The following PLXNA4 variants were observed in gnomAD, a reference collection of about 807,000 sequenced individuals.
PLXNA4 encodes the protein plexin A4.
A neutral mutation model predicts 191.8 loss-of-function variants in PLXNA4; 44 were observed. The ratio of observed to expected loss-of-function variants is 0.23; its 90% CI spans 0.18 to 0.29. The LOEUF is 0.29. Among genes scored for constraint, PLXNA4 ranks in the 10% least tolerant of loss-of-function variants. PLXNA4 has a pLI of 1.00. For missense variants in PLXNA4, 1,800 were observed against 2,488.8 expected, an observed-to-expected ratio of 0.72 and a Z score of 5.89; for synonymous variants, 1,082 against 1,009.5, an observed-to-expected ratio of 1.07 and a Z score of -1.36.
At chr7:132,609,453 T>C (rs1803004793) in intron 2 of PLXNA4, among the ~76,000 whole-genome samples, 1 of 152,168 alleles carries the variant, frequency 6.6e-6, no homozygotes, top group Non-Finnish European at 1.5e-5. Flanking sequence ...CCTGGAGTGA[T>C]GGGGAATTTG....
chr7:132,279,302 G>T lies in PLXNA4; in HGVS notation c.1503+18789C>A, dbSNP rs370438738. Among the ~76,000 whole-genome samples, 181 of 152,232 alleles carry T rather than the reference G, an allele frequency of 1.2e-3. 8 individuals are homozygous for T. In the South Asian group the frequency reaches 0.035, roughly 30 times the overall value. ...ACAAATACATTCATTTTCCATGTGTGCCTTAACATAGTGACAGGTTGGAAA... is the reference window on the plus strand; with the variant it reads ...ACAAATACATTCATTTTCCATGTGTTCCTTAACATAGTGACAGGTTGGAAA... On this transcript the variant is annotated intron_variant, in intron 4 of 31. Transcript: ENST00000321063.
rs1236784135 is a variant in PLXNA4, at chr7:132,502,084, G to C, written c.1188+5422C>G. Among the ~76,000 whole-genome samples, 5 of 152,344 alleles carry C rather than the reference G, an allele frequency of 3.3e-5. No individual in the cohort carries two copies. In the East Asian group the frequency reaches 9.7e-4, roughly 29 times the overall value. Reference sequence around the variant, plus strand: ...TGACAGGGAAAAGAAAACACCCCAAGAAGACCTGCAGAAGCCAGGCCCCAG... The same window carrying C: ...TGACAGGGAAAAGAAAACACCCCAACAAGACCTGCAGAAGCCAGGCCCCAG... On this transcript the variant is annotated intron_variant, in intron 2 of 31. Coordinates refer to ENST00000321063, the MANE Select transcript of PLXNA4 (RefSeq NM_020911.2).
chr7:132,228,403 C>T lies in PLXNA4; in HGVS notation c.1671G>A (p.Gln557=), dbSNP rs1584872957. The stretch of plus-strand genomic sequence containing the variant: ...TGGGATGGACCGTCAGCCGGACACA[C>T]TGCTTCATCTCCGAGGCAAACCTGC... ...EPRRFASEMK[Q]CVRLTVHPNN... The change falls in exon 6 of 32, where the codon CAG becomes CAA. Residue 557 remains glutamine (Q), a synonymous_variant. Transcript: ENST00000321063. 1.9e-6 allele frequency: 3 copies of T among 1,614,192 alleles called. No homozygotes were observed. The highest frequency in any genetic ancestry group is 1.1e-5 in the South Asian group (1 of 91,084).
intron 18 of PLXNA4, 102 bp from the exon 19 acceptor site, chr7:132,180,834 G>C (rs1796680056): frequency 6.6e-7 from 1 of 1,512,128 alleles, no homozygotes; most frequent in African/African-American, 1.4e-5. Context: ...CCGCTGGTGA[G>C]CTGGTGAAGA....
chr7:132,143,343 C>T (rs1795324680), intron 29 of PLXNA4, among the ~76,000 whole-genome samples: 1 of 152,126 alleles, frequency 6.6e-6, no homozygotes, highest in Non-Finnish European at 1.5e-5. Flanking sequence ...GAGCTGGCAT[C>T]CAAGAAGATT....
chr7:132,197,874 T>G (rs1797301288), intron 13 of PLXNA4, among the ~76,000 whole-genome samples: 1 of 152,232 alleles, frequency 6.6e-6, no homozygotes. Context: ...ATATAGATTC[T>G]ATGATGCTGG....
chr7:132,185,493 G>C, intron 15 of PLXNA4, 30 bp from the exon 16 acceptor site: 1 of 1,595,482 alleles, frequency 6.3e-7, no homozygotes, highest in Non-Finnish European at 8.5e-7. Flanking sequence ...AGCACTGGGC[G>C]CCTGGTGTTG....
chr7:132,220,402 C>T (rs1035511464), intron 9 of PLXNA4, among the ~76,000 whole-genome samples: 1 of 152,166 alleles, frequency 6.6e-6, no homozygotes, highest in Non-Finnish European at 1.5e-5. Flanking sequence ...ATTAGAGCTT[C>T]CTTTTCTTAG....
At chr7:132,467,599 G>T (rs1229594304) in intron 3 of PLXNA4, among the ~76,000 whole-genome samples, 1 of 152,188 alleles carries the variant, frequency 6.6e-6, no homozygotes, top group Non-Finnish European at 1.5e-5. Context: ...CTGGTCTTCA[G>T]TTCAAAGGTG....
chr7:132,242,021 A>G (rs975997617), intron 4 of PLXNA4, among the ~76,000 whole-genome samples: 2 of 152,320 alleles, frequency 1.3e-5, no homozygotes, highest in African/African-American at 2.4e-5. Context: ...GTCTCTTTAC[A>G]TAACTTGCCA....
chr7:132,150,524 A>C (rs188689617), intron 25 of PLXNA4, among the ~76,000 whole-genome samples: 1 of 152,328 alleles, frequency 6.6e-6, no homozygotes, highest in East Asian at 1.9e-4. Flanking sequence ...GGCACAACAA[A>C]AAAAAGGAGC....
At chr7:132,271,319 C>G (rs1800060650) in intron 4 of PLXNA4, 1 of 151,232 alleles carries the variant, frequency 6.6e-6, no homozygotes, top group Non-Finnish European at 1.5e-5. Context: ...TCTTAATATA[C>G]TAAGTTATTC....
rs767272765 is a variant in PLXNA4, at chr7:132,227,558, T to G, written c.1775A>C (p.Asn592Thr). ...CTCTGACAGGTCCTCAAAGGTGCAG[T>G]TGACGCCAGCTGACAGCTCCGGGAC... ...YNVPELSAGV[N>T]CTFEDLSEMD... Residue 592 changes from asparagine to threonine, a missense_variant, in exon 7 of 32, where the codon AAC becomes ACC. Asn to Thr is a moderately conservative substitution (Grantham distance 65). This residue lies in a region of PLXNA4 where 1,397 missense variants were observed against 1,880.4 expected (regional missense o/e 0.74). Transcript: ENST00000321063. 1 of 1,613,900 alleles carries G rather than the reference T, an allele frequency of 6.2e-7. No individual in the cohort carries two copies.
At chr7:132,297,003 T>C (rs1801110059) in intron 4 of PLXNA4, among the ~76,000 whole-genome samples, 1 of 151,896 alleles carries the variant, frequency 6.6e-6, no homozygotes, top group African/African-American at 2.4e-5. Context: ...ATCGAGCTCT[T>C]GGGGAGGGCA....
At chr7:132,157,907 G>A (rs1466193465) in intron 25 of PLXNA4, among the ~76,000 whole-genome samples, 1 of 152,148 alleles carries the variant, frequency 6.6e-6, no homozygotes, top group African/African-American at 2.4e-5. Context: ...CTCACCCCAT[G>A]AGTCTGTGGG....
At chr7:132,619,307 G>A (rs1451581640) in intron 2 of PLXNA4, among the ~76,000 whole-genome samples, 2 of 152,060 alleles carry the variant, frequency 1.3e-5, no homozygotes, top group African/African-American at 4.8e-5. Context: ...TTTATATGGG[G>A]ACAAGAAGAT....
chr7:132,364,009 C>T (rs1804054083), intron 3 of PLXNA4, among the ~76,000 whole-genome samples: 1 of 152,236 alleles, frequency 6.6e-6, no homozygotes, highest in Non-Finnish European at 1.5e-5. Flanking sequence ...TGAATCCATC[C>T]CCTTTGCCAC....
At chr7:132,155,171 C>T (rs1174743548) in intron 25 of PLXNA4, among the ~76,000 whole-genome samples, 3 of 152,192 alleles carry the variant, frequency 2.0e-5, no homozygotes, top group Non-Finnish European at 4.4e-5. Flanking sequence ...CATTAAACTA[C>T]AGGAACCTCT....
intron 10 of PLXNA4, 72 bp from the exon 11 acceptor site, chr7:132,203,491 C>T: frequency 7.5e-7 from 1 of 1,339,208 alleles, no homozygotes; most frequent in African/African-American, 1.4e-5. Flanking sequence ...CCCAAATGAT[C>T]AGCCTACGGC....
Sources: allele counts gnomAD v4.1 joint callset (sites outside exome capture counted in the v4.1 genomes callset), GRCh38; gene constraint gnomAD v4.1.1; regional missense constraint gnomAD v4.1.1; transcripts MANE v1.5; gene names NCBI Gene and HGNC (gene_info 2026-07-23, HGNC 2026-07-21).